Variants in B3GALT1 observed in about 807,000 individuals in gnomAD.
B3GALT1 encodes the protein beta-1,3-galactosyltransferase 1.
Under a neutral mutation model 23.2 loss-of-function variants are expected in B3GALT1, and 10 were observed. That is an observed-to-expected ratio of 0.43 (90% confidence interval 0.27 to 0.73). The LOEUF (loss-of-function observed/expected upper bound fraction) is 0.73, where lower values mean the gene tolerates loss of function less well. Among genes scored for constraint, B3GALT1 ranks in the 30% least tolerant of loss-of-function variants. The probability of loss-of-function intolerance (pLI) is 0.21; values close to 1 mark genes in which losing one functional copy is unlikely to be tolerated. For missense variants in B3GALT1, 299 were observed against 405.4 expected, an observed-to-expected ratio of 0.74 and a Z score of 2.25; for synonymous variants, 156 against 141.5, an observed-to-expected ratio of 1.10 and a Z score of -0.73.
chr2:167,692,580 A>G (rs184399912), intron 3 of B3GALT1, among the ~76,000 whole-genome samples: 60 of 152,244 alleles, frequency 3.9e-4, no homozygotes, highest in Admixed American at 7.2e-4. Flanking sequence ...ACTAACATGC[A>G]TTTATTAACT....
chr2:167,600,573 C>T (rs1276885931), intron 2 of B3GALT1, among the ~76,000 whole-genome samples: 2 of 152,154 alleles, frequency 1.3e-5, no homozygotes, highest in African/African-American at 4.8e-5. Flanking sequence ...TAAACAACAA[C>T]TAATCTGTTT....
chr2:167,305,606 G>A (rs1031082335), intron 1 of B3GALT1, among the ~76,000 whole-genome samples: 12 of 152,018 alleles, frequency 7.9e-5, no homozygotes, highest in African/African-American at 2.9e-4. Context: ...TCAGTTGCAC[G>A]GTTAATAATG....
At chr2:167,604,021 G>T (rs1684920069) in intron 2 of B3GALT1, among the ~76,000 whole-genome samples, 1 of 151,822 alleles carries the variant, frequency 6.6e-6, no homozygotes, top group Non-Finnish European at 1.5e-5. Context: ...AAAATTGCCA[G>T]AAAAGAAATA....
At chr2:167,447,788 T>C (rs907109692) in intron 1 of B3GALT1, among the ~76,000 whole-genome samples, 11 of 152,244 alleles carry the variant, frequency 7.2e-5, no homozygotes, top group Non-Finnish European at 1.5e-4. Context: ...GGAAATGGAA[T>C]TCCCTGACCC....
chr2:167,418,180 G>C (rs1559090495), intron 1 of B3GALT1, among the ~76,000 whole-genome samples: 1 of 152,142 alleles, frequency 6.6e-6, no homozygotes, highest in African/African-American at 2.4e-5. Context: ...TCAAGCCACT[G>C]ACTCTCAAAG....
At chr2:167,803,970 A>T (rs567756821) in intron 3 of B3GALT1, among the ~76,000 whole-genome samples, 2 of 152,252 alleles carry the variant, frequency 1.3e-5, no homozygotes, top group Admixed American at 1.3e-4. Flanking sequence ...CACGAAGTAT[A>T]CACATATTTG....
At chr2:167,335,351 G>T (rs1043689697) in intron 1 of B3GALT1, among the ~76,000 whole-genome samples, 6 of 152,158 alleles carry the variant, frequency 3.9e-5, no homozygotes, top group African/African-American at 1.4e-4. Context: ...AAATATAGAA[G>T]TACGGAGTCC....
At chr2:167,337,121 G>A (rs2105244401) in intron 1 of B3GALT1, among the ~76,000 whole-genome samples, 1 of 152,176 alleles carries the variant, frequency 6.6e-6, no homozygotes, top group South Asian at 2.1e-4. Context: ...ATTACTTGAG[G>A]GCTGGTTCAA....
chr2:167,523,897 G>A (rs1388218506), intron 2 of B3GALT1, among the ~76,000 whole-genome samples: 4 of 152,010 alleles, frequency 2.6e-5, no homozygotes, highest in Admixed American at 2.0e-4. Context: ...TCCATTAGAT[G>A]GGTGGAGCAT....
chr2:167,446,765 A>T (rs1389526378), intron 1 of B3GALT1, among the ~76,000 whole-genome samples: 1 of 152,180 alleles, frequency 6.6e-6, no homozygotes, highest in African/African-American at 2.4e-5. Context: ...CCATTTGTCT[A>T]ATCTCTTCTC....
At chr2:167,743,546 T>C (rs1687607776) in intron 3 of B3GALT1, among the ~76,000 whole-genome samples, 2 of 152,136 alleles carry the variant, frequency 1.3e-5, no homozygotes, top group South Asian at 4.1e-4. Flanking sequence ...TTTTGCCCAT[T>C]TTTCCATTGA....
intron 2 of B3GALT1, among the ~76,000 whole-genome samples, chr2:167,512,649 TA>T (rs1364019940): frequency 2.9e-5 from 4 of 136,460 alleles, no homozygotes; most frequent in East Asian, 2.3e-4. Flanking sequence ...TATATATATA[TA>T]TTTTGAGATA....
chr2:167,502,515 T>C (rs552945366), intron 2 of B3GALT1, among the ~76,000 whole-genome samples: 3 of 152,218 alleles, frequency 2.0e-5, no homozygotes, highest in Admixed American at 6.5e-5. Context: ...ACAGGAAGCA[T>C]AGCTGGGGAG....
intron 1 of B3GALT1, among the ~76,000 whole-genome samples, chr2:167,326,854 T>C (rs558975853): frequency 1.8e-4 from 28 of 152,150 alleles, no homozygotes; most frequent in African/African-American, 6.7e-4. Context: ...AACACCCGGC[T>C]AATTTTTCTT....
chr2:167,849,945 A>T (rs1689845655), intron 4 of B3GALT1, among the ~76,000 whole-genome samples: 1 of 152,062 alleles, frequency 6.6e-6, no homozygotes. Flanking sequence ...AACAATTCTG[A>T]AGATAACATT....
At chr2:167,852,331 C>T (rs1198315029) in intron 4 of B3GALT1, among the ~76,000 whole-genome samples, 1 of 152,216 alleles carries the variant, frequency 6.6e-6, no homozygotes, top group East Asian at 1.9e-4. Flanking sequence ...AACAGCAAAT[C>T]AGAAATTTAT....
intron 2 of B3GALT1, among the ~76,000 whole-genome samples, chr2:167,637,234 G>A (rs1046799759): frequency 5.3e-5 from 8 of 151,954 alleles, no homozygotes; most frequent in Non-Finnish European, 2.9e-5. Context: ...AAATAGAAGG[G>A]CTTGAAATCA....
rs531957276 is a variant in B3GALT1, at chr2:167,436,678, T to A, written c.-510-53499T>A. Among the ~76,000 whole-genome samples, 10 of 152,266 alleles carry A rather than the reference T, an allele frequency of 6.6e-5. No homozygotes were observed. The South Asian group carries it at 2.1e-3, about 32-fold the overall frequency. On this transcript the variant is annotated intron_variant, in intron 1 of 4. Coordinates refer to ENST00000392690, the MANE Select transcript of B3GALT1 (RefSeq NM_020981.4). Reference sequence around the variant, plus strand: ...AATGTGACCCACTTTCATCTCTTACTTTGTATACAGGTAAAATCCATACCA... The same window carrying A: ...AATGTGACCCACTTTCATCTCTTACATTGTATACAGGTAAAATCCATACCA...
intron 4 of B3GALT1, among the ~76,000 whole-genome samples, chr2:167,841,699 A>G (rs1391413647): frequency 6.6e-6 from 1 of 152,198 alleles, no homozygotes; most frequent in Admixed American, 6.5e-5. Context: ...TCTTTTAGCC[A>G]GAAGCCACTG....
Sources: allele counts gnomAD v4.1 joint callset (sites outside exome capture counted in the v4.1 genomes callset), GRCh38; gene constraint gnomAD v4.1.1; transcripts MANE v1.5; gene names NCBI Gene and HGNC (gene_info 2026-07-23, HGNC 2026-07-21).